Variants in DIAPH2 observed in about 807,000 individuals in gnomAD.
The protein encoded by DIAPH2 is protein diaphanous homolog 2.
Under a neutral mutation model 92.7 loss-of-function variants are expected in DIAPH2, and 35 were observed. The observed-to-expected ratio is 0.38, with a 90% CI of 0.29 to 0.50. DIAPH2 has a LOEUF of 0.50. Among genes scored for constraint, DIAPH2 ranks in the 20% least tolerant of loss-of-function variants. The pLI, the probability that DIAPH2 is intolerant of heterozygous loss-of-function variation, is 0.94. For missense variants in DIAPH2, 701 were observed against 819.5 expected, an observed-to-expected ratio of 0.86 and a Z score of 1.77; for synonymous variants, 301 against 280.4, an observed-to-expected ratio of 1.07 and a Z score of -0.73.
At chrX:97,330,085 T>TTGTGTGTGTGTG (rs367920689) in intron 23 of DIAPH2, among the ~76,000 whole-genome samples, 3 of 94,859 alleles carry the variant, frequency 3.2e-5, no homozygotes, top group Non-Finnish European at 4.2e-5. Context: ...GATTTGGTGT[T>TTGTGTGTGTGTG]TGTGTGTGTG....
At chrX:97,376,063 CTGAG>C (rs1237424378) in intron 24 of DIAPH2, among the ~76,000 whole-genome samples, 1 of 108,593 alleles carries the variant, frequency 9.2e-6, no homozygotes, top group Non-Finnish European at 1.9e-5. Flanking sequence ...GCTTTATTTT[CTGAG>C]TGAGGTGACA....
intron 26 of DIAPH2, among the ~76,000 whole-genome samples, chrX:97,503,708 A>C (rs2070813840): frequency 8.9e-6 from 1 of 112,270 alleles, no homozygotes; most frequent in Non-Finnish European, 1.9e-5. Flanking sequence ...AGATCAATAA[A>C]GAAATTAAAG....
At chrX:97,312,983 C>G (rs2068809380) in intron 23 of DIAPH2, among the ~76,000 whole-genome samples, 1 of 109,737 alleles carries the variant, frequency 9.1e-6, no homozygotes, top group African/African-American at 3.3e-5. Flanking sequence ...TCGAGACCAT[C>G]CTGTCTAACA....
chrX:96,861,618 G>A, intron 4 of DIAPH2, among the ~76,000 whole-genome samples: 1 of 111,445 alleles, frequency 9.0e-6, no homozygotes, highest in Non-Finnish European at 1.9e-5. Flanking sequence ...ATCTAAACAT[G>A]TCACTCACCA....
chrX:97,127,280 A>G (rs2067100169), intron 21 of DIAPH2, among the ~76,000 whole-genome samples: 1 of 112,156 alleles, frequency 8.9e-6, no homozygotes, highest in Admixed American at 9.5e-5. Context: ...GTAACCTACT[A>G]TGAGGAAATA....
At position 97,453,380 on chromosome X, in the gene DIAPH2, G is replaced by C. The variant is rs780445172; in HGVS notation, c.3241+23635G>C. Among the ~76,000 whole-genome samples, 3 of 109,479 alleles carry C rather than the reference G, an allele frequency of 2.7e-5. No individual in the cohort carries two copies. In the South Asian group the frequency reaches 1.2e-3, roughly 43 times the overall value. On this transcript the variant is annotated intron_variant, in intron 26 of 26. Transcript: ENST00000324765. ...ATACTATATGTAGAAAATCAGTACA[G>C]CTTTTCCCTAGAAGAGATTCAGAAA... is the stretch of plus-strand genomic sequence containing the variant.
chrX:96,958,188 T>C, intron 16 of DIAPH2, 40 bp downstream of exon 16: 1 of 1,179,245 alleles, frequency 8.5e-7, no homozygotes, highest in Admixed American at 2.5e-5. Context: ...TGTCTAGCTT[T>C]TGTTGATCAT....
At chrX:96,785,003 T>A (rs1347241315) in intron 4 of DIAPH2, among the ~76,000 whole-genome samples, 1 of 112,225 alleles carries the variant, frequency 8.9e-6, no homozygotes, top group Non-Finnish European at 1.9e-5. Context: ...ATCTTGCTTT[T>A]CTCATTTATA....
intron 20 of DIAPH2, among the ~76,000 whole-genome samples, chrX:97,104,831 A>G (rs1481046500): frequency 1.8e-5 from 2 of 112,136 alleles, no homozygotes; most frequent in Non-Finnish European, 3.8e-5. Flanking sequence ...TCATTAAAAT[A>G]ATGATAATGA....
intron 23 of DIAPH2, among the ~76,000 whole-genome samples, chrX:97,285,113 A>G (rs2068529519): frequency 8.9e-6 from 1 of 111,842 alleles, no homozygotes. Context: ...TGTTTATAAC[A>G]ATCAGATTTG....
chrX:97,253,052 G>C (rs1357565950), intron 23 of DIAPH2, among the ~76,000 whole-genome samples: 2 of 110,987 alleles, frequency 1.8e-5, no homozygotes, highest in African/African-American at 6.6e-5. Flanking sequence ...ACTTTGGGAG[G>C]CCAAGGCAGG....
intron 4 of DIAPH2, among the ~76,000 whole-genome samples, chrX:96,842,446 A>G (rs1262497414): frequency 8.9e-6 from 1 of 111,734 alleles, no homozygotes; most frequent in African/African-American, 3.3e-5. Flanking sequence ...CAGCATCAGA[A>G]TAGTTTATAG....
At chrX:97,096,586 G>A (rs1267306124) in intron 19 of DIAPH2, among the ~76,000 whole-genome samples, 2 of 111,612 alleles carry the variant, frequency 1.8e-5, no homozygotes, top group Non-Finnish European at 3.8e-5. Flanking sequence ...AGTTTCCCAC[G>A]GGGCACAGCT....
At chrX:97,300,931 TAAAAAAAAAAAAAAAA>T (rs774601881) in intron 23 of DIAPH2, among the ~76,000 whole-genome samples, 1,378 of 10,806 alleles carry the variant, frequency 0.13, 58 homozygotes, top group Middle Eastern at 0.2. Context: ...GACTCCGTCT[TAAAAAAAAAAAAAAAA>T]AAAAAAAAAA....
At chrX:96,995,894 T>G (rs2147852000) in intron 17 of DIAPH2, among the ~76,000 whole-genome samples, 1 of 110,287 alleles carries the variant, frequency 9.1e-6, no homozygotes, top group Non-Finnish European at 1.9e-5. Context: ...GGCATTCATA[T>G]AAAATCCAAA....
chrX:97,368,115 ATAACT>A (rs750079190), intron 24 of DIAPH2, among the ~76,000 whole-genome samples: 1 of 112,551 alleles, frequency 8.9e-6, no homozygotes, highest in African/African-American at 3.2e-5. Flanking sequence ...AAGTAGTTTC[ATAACT>A]TGACTTGATT....
chrX:97,539,314 A>G (rs1369952062), intron 26 of DIAPH2, among the ~76,000 whole-genome samples: 1 of 108,352 alleles, frequency 9.2e-6, no homozygotes, highest in Non-Finnish European at 1.9e-5. Context: ...AGAGGTCTCC[A>G]CAGAAGGCCC....
chrX:96,952,607 C>T (rs1440187655), intron 15 of DIAPH2, among the ~76,000 whole-genome samples: 2 of 109,943 alleles, frequency 1.8e-5, no homozygotes, highest in Non-Finnish European at 1.9e-5. Flanking sequence ...TGGTGGCAGG[C>T]GCCTGTAATC....
intron 17 of DIAPH2, among the ~76,000 whole-genome samples, chrX:97,010,391 A>G (rs1337648717): frequency 9.0e-6 from 1 of 111,297 alleles, no homozygotes; most frequent in Non-Finnish European, 1.9e-5. Flanking sequence ...GGTCTTTCCT[A>G]CCTTCTTCAC....
Sources: allele counts gnomAD v4.1 joint callset (sites outside exome capture counted in the v4.1 genomes callset), GRCh38; gene constraint gnomAD v4.1.1; transcripts MANE v1.5; gene names NCBI Gene and HGNC (gene_info 2026-07-23, HGNC 2026-07-21).